Variants in L2HGDH observed in about 807,000 individuals in gnomAD.
L2HGDH encodes L-2-hydroxyglutarate dehydrogenase, mitochondrial.
A neutral mutation model predicts 51.5 loss-of-function variants in L2HGDH; 34 were observed. The ratio of observed to expected loss-of-function variants is 0.66; its 90% CI spans 0.50 to 0.88. L2HGDH has a LOEUF of 0.88. Ranked by LOEUF, L2HGDH falls within the 40% of genes least tolerant of loss-of-function variation. The probability of loss-of-function intolerance (pLI) is 0.00; values close to 1 mark genes in which losing one functional copy is unlikely to be tolerated. For missense variants in L2HGDH, 558 were observed against 571.9 expected (o/e 0.98, Z 0.25); for synonymous variants, 198 against 197.9 (o/e 1.00, Z -0.01).
chr14:50,306,868 T>G lies in L2HGDH; in HGVS notation c.141-3851A>C, dbSNP rs114014837. On this transcript the variant is annotated intron_variant, in intron 1 of 9. Transcript: ENST00000267436. Reference sequence around the variant, plus strand: ...TCTCACTCTATTGCCTAGGTTGGAGTGTAGCAGCATGATCTCGGCTCACTG... The same window carrying G: ...TCTCACTCTATTGCCTAGGTTGGAGGGTAGCAGCATGATCTCGGCTCACTG... Among the ~76,000 whole-genome samples, 768 of 152,098 alleles carry G rather than the reference T, an allele frequency of 5.0e-3. 8 individuals are homozygous for G. Among genetic ancestry groups the G allele is most frequent in the African/African-American group, 0.016 (684 of 41,486 alleles).
chr14:50,306,512 G>C (rs537815387), intron 1 of L2HGDH, among the ~76,000 whole-genome samples: 103 of 151,800 alleles, frequency 6.8e-4, no homozygotes, highest in African/African-American at 2.4e-3. Context: ...CATAACCTTG[G>C]CCCTTACAGG....
intron 3 of L2HGDH, among the ~76,000 whole-genome samples, chr14:50,300,574 C>T (rs1164125139): frequency 6.6e-6 from 1 of 152,182 alleles, no homozygotes; most frequent in East Asian, 1.9e-4. Flanking sequence ...AGATTACAGG[C>T]AGGCGTGAGC....
intron 6 of L2HGDH, among the ~76,000 whole-genome samples, chr14:50,273,213 A>G (rs1889796649): frequency 6.6e-6 from 1 of 152,194 alleles, no homozygotes; most frequent in Non-Finnish European, 1.5e-5. Context: ...CTCCATATGA[A>G]TGCTCACTGA....
At chr14:50,310,500 G>A (rs1399884425) in intron 1 of L2HGDH, among the ~76,000 whole-genome samples, 7 of 151,946 alleles carry the variant, frequency 4.6e-5, no homozygotes, top group Admixed American at 1.3e-4. Flanking sequence ...TGAGGCCAGG[G>A]GTTCGAGACC....
intron 6 of L2HGDH, 70 bp from the exon 7 acceptor site, chr14:50,269,400 TG>T: frequency 6.9e-7 from 1 of 1,441,580 alleles, no homozygotes; most frequent in Non-Finnish European, 9.7e-7. Context: ...GAAAAACAGG[TG>T]ATAGAAAAGA....
intron 1 of L2HGDH, among the ~76,000 whole-genome samples, chr14:50,305,948 T>C (rs538996911): frequency 2.0e-5 from 3 of 152,352 alleles, no homozygotes; most frequent in South Asian, 4.1e-4. Context: ...GTATTTTAAA[T>C]TGTGTTATTT....
intron 5 of L2HGDH, among the ~76,000 whole-genome samples, chr14:50,280,998 G>A (rs923283782): frequency 6.6e-6 from 1 of 151,858 alleles, no homozygotes; most frequent in Non-Finnish European, 1.5e-5. Context: ...AAAATTTTTT[G>A]TAGAGGCAGG....
At position 50,287,251 on chromosome 14, in the gene L2HGDH, A is replaced by C. The variant is rs569109230; in HGVS notation, c.541-3218T>G. The stretch of plus-strand genomic sequence containing the variant: ...TCATCCATAACTTTTACAACATCTG[A>C]AAAGTTTTGTTTTTTTCAGTAATGC... On this transcript the variant is annotated intron_variant, in intron 4 of 9. Transcript: ENST00000267436. 3.0e-6 allele frequency: 3 copies of C among 985,048 alleles called. No homozygotes were observed. In the East Asian group the frequency reaches 3.4e-4, roughly 112 times the overall value. 61.0% of individuals were successfully genotyped at this position (985,048 alleles called of 1,614,324 possible).
chr14:50,281,838 T>C (rs1253153846), intron 5 of L2HGDH, among the ~76,000 whole-genome samples: 2 of 152,120 alleles, frequency 1.3e-5, no homozygotes, highest in African/African-American at 2.4e-5. Flanking sequence ...GAGATACTTT[T>C]TATTTTTTTT....
chr14:50,272,561 C>T (rs1889758976), intron 6 of L2HGDH, among the ~76,000 whole-genome samples: 2 of 152,166 alleles, frequency 1.3e-5, no homozygotes, highest in Non-Finnish European at 2.9e-5. Flanking sequence ...CTGCAGATAA[C>T]TAACCTCCTT....
intron 9 of L2HGDH, among the ~76,000 whole-genome samples, chr14:50,256,486 T>C (rs1566504674): frequency 6.7e-6 from 1 of 149,598 alleles, no homozygotes; most frequent in African/African-American, 2.5e-5. Flanking sequence ...CACTCCATTC[T>C]AGCCTGGGTG....
At chr14:50,311,562 T>C (rs1278680602) in intron 1 of L2HGDH, 1 of 440,608 alleles carries the variant, frequency 2.3e-6, no homozygotes, top group Non-Finnish European at 4.6e-6. Context: ...ATGCGGGGTG[T>C]GCCAGGAACT....
In L2HGDH at chr14:50,266,289, G is replaced by C. The variant is rs116782625; in HGVS notation, c.1065-800C>G. ...ATGCCTTCAACACACCTAAAAGGCAGGGTATGAAAGAAATGGGACATCTAC... is the reference window on the plus strand; with the variant it reads ...ATGCCTTCAACACACCTAAAAGGCACGGTATGAAAGAAATGGGACATCTAC... On this transcript the variant is annotated intron_variant, in intron 8 of 9. Coordinates refer to ENST00000267436, the MANE Select transcript of L2HGDH (RefSeq NM_024884.3). Among the ~76,000 whole-genome samples the C allele has an allele frequency of 7.6e-3, 1,158 of 152,278 alleles. 21 individuals are homozygous for C. The highest frequency in any genetic ancestry group is 0.027 in the African/African-American group (1,101 of 41,538).
intron 4 of L2HGDH, among the ~76,000 whole-genome samples, chr14:50,292,884 C>CAA (rs111974155): frequency 0.011 from 1,504 of 131,738 alleles, 21 homozygotes; most frequent in South Asian, 0.039. Flanking sequence ...GACTGCATCT[C>CAA]AAAAAAAAAA....
At chr14:50,288,997 G>C (rs1482507733) in intron 4 of L2HGDH, among the ~76,000 whole-genome samples, 3 of 152,104 alleles carry the variant, frequency 2.0e-5, no homozygotes, top group African/African-American at 7.2e-5. Context: ...AACAGAAAGT[G>C]GGTTTAATCT....
chr14:50,311,887 C>T, intron 1 of L2HGDH, 124 bp downstream of exon 1: 23 of 1,343,182 alleles, frequency 1.7e-5, no homozygotes, highest in South Asian at 2.7e-5. Flanking sequence ...GGTTGGAGTG[C>T]CACAGGACCC....
At chr14:50,293,403 A>G in intron 4 of L2HGDH, 1 of 597,714 alleles carries the variant, frequency 1.7e-6, no homozygotes. Flanking sequence ...AAAAACACAT[A>G]GAATATCTTC....
chr14:50,269,751 C>T (rs1889561173), intron 6 of L2HGDH, among the ~76,000 whole-genome samples: 1 of 152,124 alleles, frequency 6.6e-6, no homozygotes, highest in East Asian at 1.9e-4. Context: ...CACCCCACAG[C>T]TTTTAATTTG....
intron 5 of L2HGDH, among the ~76,000 whole-genome samples, chr14:50,282,659 A>C (rs1426366093): frequency 6.6e-6 from 1 of 152,106 alleles, no homozygotes; most frequent in Non-Finnish European, 1.5e-5. Flanking sequence ...TTCTCACCCT[A>C]AAAAAATGTG....
Sources: allele counts gnomAD v4.1 joint callset (sites outside exome capture counted in the v4.1 genomes callset), GRCh38; gene constraint gnomAD v4.1.1; transcripts MANE v1.5; gene names NCBI Gene and HGNC (gene_info 2026-07-23, HGNC 2026-07-21).